Variants in HEPHL1 observed in about 807,000 individuals in gnomAD.
HEPHL1 encodes the protein hephaestin like 1, also known as ferroxidase HEPHL1.
In HEPHL1, 123 loss-of-function variants were observed where a neutral mutation model predicts 122.0. The ratio of observed to expected loss-of-function variants is 1.01; its 90% CI spans 0.87 to 1.17. The LOEUF (loss-of-function observed/expected upper bound fraction) is 1.17. HEPHL1 is among the 50% of genes most tolerant of loss of function. HEPHL1 has a pLI of 0.00. For missense variants in HEPHL1, 1,452 were observed against 1,430.5 expected, an observed-to-expected ratio of 1.01 and a Z score of -0.24; for synonymous variants, 527 against 508.9, an observed-to-expected ratio of 1.04 and a Z score of -0.48.
intron 6 of HEPHL1, among the ~76,000 whole-genome samples, chr11:94,072,126 C>T (rs1946078852): frequency 6.6e-6 from 1 of 152,018 alleles, no homozygotes; most frequent in Non-Finnish European, 1.5e-5. Flanking sequence ...ACAGTCTTGG[C>T]CATTGAAAGT....
chr11:94,096,515 G>C (rs1168776986), intron 13 of HEPHL1, among the ~76,000 whole-genome samples: 1 of 152,178 alleles, frequency 6.6e-6, no homozygotes, highest in Non-Finnish European at 1.5e-5. Flanking sequence ...TTTGGTATCA[G>C]GATGATGCTG....
In HEPHL1 at chr11:94,111,558, C is replaced by A; in HGVS notation, c.3230C>A (p.Thr1077Asn). 1 of 1,604,400 alleles carries A rather than the reference C, an allele frequency of 6.2e-7. No homozygotes were observed. The highest frequency in any genetic ancestry group is 2.2e-5 in the East Asian group (1 of 44,574). ...GCAGACAACAGGATTCCTTACTCCA[C>A]CACATCTCCTGGAGTGGCATCTCAC... is the stretch of plus-strand genomic sequence containing the variant. ...RNIDNRIPYSTTSPGVASHPA... is the reference protein window; with the variant it reads ...RNIDNRIPYSNTSPGVASHPA... The change falls in exon 19 of 20, where the codon ACC (threonine) becomes AAC (asparagine). Residue 1077 changes from threonine (T) to asparagine (N), a missense_variant. Coordinates refer to ENST00000315765, the MANE Select transcript of HEPHL1 (RefSeq NM_001098672.2).
At chr11:94,048,212 CTTTG>C (rs1199688904) in intron 2 of HEPHL1, among the ~76,000 whole-genome samples, 1 of 152,144 alleles carries the variant, frequency 6.6e-6, no homozygotes, top group Non-Finnish European at 1.5e-5. Context: ...ATATACCACA[CTTTG>C]TTTATCCGTT....
At chr11:94,100,068 T>A (rs1021586223) in intron 13 of HEPHL1, among the ~76,000 whole-genome samples, 1 of 152,062 alleles carries the variant, frequency 6.6e-6, no homozygotes, top group Non-Finnish European at 1.5e-5. Context: ...GGTACCTCAG[T>A]TGGAAATGCA....
chr11:94,106,232 G>T (rs1218091085), intron 17 of HEPHL1, 102 bp downstream of exon 17: 29 of 852,806 alleles, frequency 3.4e-5, no homozygotes, highest in Non-Finnish European at 5.2e-5. Context: ...TGCTTGTGAG[G>T]ATAGGTGAGA....
intron 4 of HEPHL1, among the ~76,000 whole-genome samples, chr11:94,066,947 TAAAC>T (rs756030037): frequency 2.0e-4 from 31 of 152,272 alleles, no homozygotes; most frequent in Admixed American, 5.2e-4. Context: ...CTTTTTAAAG[TAAAC>T]AAACAAACAA....
Position 94,093,618 on chromosome 11 carries a change from A to C in HEPHL1, c.2412A>C (p.Arg804=). The C allele has an allele frequency of 6.2e-7, 1 of 1,613,556 alleles. No individual in the cohort carries two copies. Among genetic ancestry groups the C allele is most frequent in the Non-Finnish European group, 8.5e-7 (1 of 1,179,778 alleles). The change falls in exon 13 of 20, where the codon CGA becomes CGC. Residue 804 remains arginine (R), a synonymous_variant. Transcript: ENST00000315765. ...TGGAGATCAAAGCCCGACCACCACG[A>C]GAGGAGCACTTAGAACTCCTGGGTA... ...EFVEIKARPP[R]EEHLELLGPM... is the part of the protein sequence containing the mutation.
intron 1 of HEPHL1, among the ~76,000 whole-genome samples, chr11:94,044,763 CTTTT>C (rs112232970): frequency 2.2e-5 from 3 of 136,370 alleles, no homozygotes; most frequent in Admixed American, 7.4e-5. Flanking sequence ...TTCTCCAAAC[CTTTT>C]TTTTTTTTTT....
intron 9 of HEPHL1, among the ~76,000 whole-genome samples, chr11:94,078,472 T>C (rs1946144561): frequency 9.2e-6 from 1 of 108,494 alleles, no homozygotes; most frequent in African/African-American, 3.4e-5. Context: ...TATATATATA[T>C]ATATGGAGAA....
chr11:94,051,136 G>T (rs1489196142), intron 2 of HEPHL1, among the ~76,000 whole-genome samples: 1 of 151,974 alleles, frequency 6.6e-6, no homozygotes, highest in Admixed American at 6.6e-5. Context: ...TTTCCTTTTT[G>T]GGGGGTACAT....
chr11:94,107,540 C>T (rs183085454), intron 17 of HEPHL1, among the ~76,000 whole-genome samples: 81 of 152,286 alleles, frequency 5.3e-4, no homozygotes, highest in African/African-American at 1.6e-3. Context: ...CAAATTTTAC[C>T]ATTGCACCCT....
rs201036709 is a variant in HEPHL1 at position 94,093,971 on chromosome 11, G to GATATATATATATATAT, written c.2434+359_2434+374dup. Among the ~76,000 whole-genome samples the GATATATATATATATAT allele has an allele frequency of 2.4e-3, 173 of 72,622 alleles. 4 individuals carry two copies. The highest frequency in any genetic ancestry group is 4.3e-3 in the South Asian group (7 of 1,632). 47.6% of individuals were successfully genotyped at this position (72,622 alleles called of 152,430 possible). A position where few individuals can be genotyped will look rare whatever the true frequency, so the allele number is the denominator to read the frequency against. ...AAATTTTCTTTTAAATCCTCCAGCA[G>GATATATATATATATAT]ATATATATATATATATATATATATA... On this transcript the variant is annotated intron_variant, in intron 13 of 19. Transcript: ENST00000315765.
Position 94,073,110 on chromosome 11 carries a change from A to G in HEPHL1, c.1318A>G (p.Thr440Ala), listed in dbSNP as rs1458054694. Residue 440 changes from threonine to alanine, a missense_variant, in exon 7 of 20, where the codon ACT becomes GCT. Thr to Ala is a moderately conservative substitution (Grantham distance 58, BLOSUM62 0). Transcript: ENST00000315765. ...TCGGTATACTGAATTTGTTGATGCA[A>G]CTTTTACTAAAAGAAAGAGACTCTC... is the stretch of plus-strand genomic sequence containing the variant. ...KVRYTEFVDA[T>A]FTKRKRLSAE... 2 of 1,613,218 alleles carry G rather than the reference A, an allele frequency of 1.2e-6. No individual in the cohort carries two copies. The highest frequency in any genetic ancestry group is 1.1e-5 in the South Asian group (1 of 91,040).
At position 94,088,962 on chromosome 11, in the gene HEPHL1, G is replaced by T; in HGVS notation, c.2288G>T (p.Gly763Val). ...GAAAAGCAGCACGTGGACGCAAGAG[G>T]GGAAAGGTACCACAGGCGCCGCCGC... The part of the protein sequence containing the change: ...EFEKQHVDAR[G>V]ERHGDIFMNR... The change falls in exon 12 of 20, where the codon GGG (glycine) becomes GTG (valine). Residue 763 changes from glycine (G) to valine (V), a missense_variant. Physicochemically the swap from Gly to Val is moderately radical, Grantham distance 109. Coordinates refer to ENST00000315765, the MANE Select transcript of HEPHL1 (RefSeq NM_001098672.2). 6.2e-7 allele frequency: 1 copy of T among 1,613,952 alleles called. No individual in the cohort carries two copies. The highest frequency in any genetic ancestry group is 1.1e-5 in the South Asian group (1 of 91,084).
rs1591489357 is a variant in HEPHL1, at chr11:94,102,943, C to G, written c.2605C>G (p.Pro869Ala). The change falls in exon 15 of 20, where the codon CCT becomes GCT. Residue 869 changes from proline to alanine, a missense_variant. Coordinates refer to ENST00000315765, the MANE Select transcript of HEPHL1 (RefSeq NM_001098672.2). ...GEVKTYRWNI[P>A]KRSGPGPSDP... ...AGTAAAAACTTATAGATGGAATATC[C>G]CTAAAAGATCCGGTCCAGGGCCTTC... is the stretch of plus-strand genomic sequence containing the variant. 1 of 1,599,988 alleles carries G rather than the reference C, an allele frequency of 6.3e-7. No homozygotes were observed. The highest frequency in any genetic ancestry group is 1.1e-5 in the South Asian group (1 of 90,664).
Position 94,093,633 on chromosome 11 carries a change from A to T in HEPHL1, c.2427A>T (p.Glu809Asp), listed in dbSNP as rs746114018. ...GACCACCACGAGAGGAGCACTTAGA[A>T]CTCCTGGGTATGGCACAGATTTCAG... ...KARPPREEHL[E>D]LLGPMIHAEV... The change falls in exon 13 of 20, where the codon GAA becomes GAT. Residue 809 changes from glutamate to aspartate, a missense_variant. Physicochemically the swap from Glu to Asp is conservative, Grantham distance 45. Transcript: ENST00000315765. 121 of 1,612,150 alleles carry T rather than the reference A, an allele frequency of 7.5e-5. No homozygotes were observed. The highest frequency in any genetic ancestry group is 9.9e-5 in the Non-Finnish European group (117 of 1,179,404).
Position 94,096,098 on chromosome 11 carries a change from AGTT to A in HEPHL1, c.2434+2459_2434+2461del, listed in dbSNP as rs1946310094. Among the ~76,000 whole-genome samples the A allele has an allele frequency of 2.0e-5, 3 of 152,316 alleles. No homozygotes were observed. The South Asian group carries it at 6.2e-4, about 32-fold the overall frequency. On this transcript the variant is annotated intron_variant, in intron 13 of 19. Coordinates refer to ENST00000315765, the MANE Select transcript of HEPHL1 (RefSeq NM_001098672.2). ...AGAGAGGGCATCCCTGTCTTGTGCC[AGTT>A]TTCAAAGGGAATGCTTCCAGTTTTT...
At chr11:94,074,555 A>C (rs781636584) in intron 8 of HEPHL1, among the ~76,000 whole-genome samples, 3 of 152,180 alleles carry the variant, frequency 2.0e-5, no homozygotes, top group Non-Finnish European at 2.9e-5. Flanking sequence ...CACTGGATAA[A>C]ATGCAGAATG....
intron 2 of HEPHL1, chr11:94,055,663 G>C (rs1348106524): frequency 2.6e-6 from 1 of 390,832 alleles, no homozygotes; most frequent in East Asian, 6.8e-5. Context: ...GAAGATGTGA[G>C]GAAGCTGGCT....
Sources: allele counts gnomAD v4.1 joint callset (sites outside exome capture counted in the v4.1 genomes callset), GRCh38; gene constraint gnomAD v4.1.1; transcripts MANE v1.5; gene names NCBI Gene and HGNC (gene_info 2026-07-23, HGNC 2026-07-21).